Variants in IKZF2 observed in about 807,000 individuals in gnomAD.
IKZF2 encodes the protein zinc finger protein Helios.
In IKZF2, 15 loss-of-function variants were observed where a neutral mutation model predicts 49.2. That is an observed-to-expected ratio of 0.30 (90% CI 0.20 to 0.47). IKZF2 has a LOEUF of 0.47. IKZF2 is among the 20% of genes least tolerant of loss of function. The pLI, the probability that IKZF2 is intolerant of heterozygous loss-of-function variation, is 1.00. For missense variants in IKZF2, 567 were observed against 664.6 expected (o/e 0.85, Z 1.61); for synonymous variants, 227 against 221.4 (o/e 1.03, Z -0.23).
In IKZF2 at chr2:213,003,589, C is replaced by T. The variant is rs1574446412; in HGVS notation, c.*3771G>A. On this transcript the variant is annotated 3_prime_UTR_variant, in exon 9 of 9. Coordinates refer to ENST00000434687, the MANE Select transcript of IKZF2 (RefSeq NM_001387220.1). ...TTTTTTGCTTGTATTTTTACAGCCC[C>T]GTCTGCTCTTTTTGTACCCTAAGAA... The T allele has an allele frequency of 6.6e-6, 1 of 151,574 alleles. No homozygotes were observed. The highest frequency in any genetic ancestry group is 1.9e-4 in the East Asian group (1 of 5,166). The allele number at this position is 151,574 out of a possible 1,614,324, so 9.4% of individuals were successfully genotyped here.
At position 213,002,812 on chromosome 2, in the gene IKZF2, A is replaced by T. The variant is rs1695020130; in HGVS notation, c.*4548T>A. Reference sequence around the variant, plus strand: ...TACTAGTCTGGAGATGAAAATCCAAATGAATACTGTATTTTATTGACCAAA... The same window carrying T: ...TACTAGTCTGGAGATGAAAATCCAATTGAATACTGTATTTTATTGACCAAA... On this transcript the variant is annotated 3_prime_UTR_variant, in exon 9 of 9. Transcript: ENST00000434687. 2 of 151,996 alleles carry T rather than the reference A, an allele frequency of 1.3e-5. No homozygotes were observed. The highest frequency in any genetic ancestry group is 4.8e-5 in the African/African-American group (2 of 41,412). 9.4% of individuals were successfully genotyped at this position (151,996 alleles called of 1,614,324 possible). A position where few individuals can be genotyped will look rare whatever the true frequency, so the allele number is the denominator to read the frequency against.
At chr2:213,079,270 T>C (rs561244676) in intron 4 of IKZF2, among the ~76,000 whole-genome samples, 1 of 152,054 alleles carries the variant, frequency 6.6e-6, no homozygotes, top group African/African-American at 2.4e-5. Context: ...TCCCAACTAC[T>C]TGGGGGACTG....
At chr2:213,046,034 G>C (rs912054616) in intron 6 of IKZF2, among the ~76,000 whole-genome samples, 1 of 152,126 alleles carries the variant, frequency 6.6e-6, no homozygotes, top group African/African-American at 2.4e-5. Context: ...GTCAATGGAA[G>C]CCTCAGTGTG....
Position 213,078,801 on chromosome 2 carries a change from G to C in IKZF2, c.140-21702C>G, listed in dbSNP as rs1427398865. ...CCACCATATAGAAAGAAATTCTGCT[G>C]TCATTTCCTGCCAAACCAAAGTGAT... is the stretch of plus-strand genomic sequence containing the variant. On this transcript the variant is annotated intron_variant, in intron 4 of 8. Transcript: ENST00000434687. 2.0e-5 allele frequency among the ~76,000 whole-genome samples: 3 copies of C among 152,280 alleles called. No individual in the cohort carries two copies. The East Asian group carries it at 5.8e-4, about 29-fold the overall frequency.
At chr2:213,116,207 G>A (rs189102772) in intron 4 of IKZF2, among the ~76,000 whole-genome samples, 1 of 152,302 alleles carries the variant, frequency 6.6e-6, no homozygotes, top group Admixed American at 6.5e-5. Flanking sequence ...TTACTCTGTA[G>A]CTGTTAATAA....
intron 4 of IKZF2, among the ~76,000 whole-genome samples, chr2:213,063,644 G>A (rs1443794848): frequency 6.6e-6 from 1 of 151,970 alleles, no homozygotes; most frequent in African/African-American, 2.4e-5. Flanking sequence ...TACTCAGAAT[G>A]ACTGCATTGT....
intron 6 of IKZF2, among the ~76,000 whole-genome samples, chr2:213,023,449 T>A (rs1697453237): frequency 6.6e-6 from 1 of 152,220 alleles, no homozygotes; most frequent in Non-Finnish European, 1.5e-5. Flanking sequence ...GATTATTCAT[T>A]TTTTTAAAAA....
intron 4 of IKZF2, among the ~76,000 whole-genome samples, chr2:213,076,308 T>C (rs528298126): frequency 5.3e-5 from 8 of 152,134 alleles, no homozygotes; most frequent in African/African-American, 1.7e-4. Flanking sequence ...AAAACTACTA[T>C]ATAATCTCAT....
intron 4 of IKZF2, among the ~76,000 whole-genome samples, chr2:213,092,048 C>T (rs1705403110): frequency 6.6e-6 from 1 of 151,838 alleles, no homozygotes; most frequent in South Asian, 2.1e-4. Context: ...ATTTTTGAGA[C>T]AGGGTCTCAC....
chr2:213,093,623 G>C (rs1158393119), intron 4 of IKZF2, among the ~76,000 whole-genome samples: 7 of 151,996 alleles, frequency 4.6e-5, no homozygotes, highest in African/African-American at 1.7e-4. Flanking sequence ...TCAACTGTAA[G>C]CTCTATAAGG....
At chr2:213,138,830 G>A (rs1036574894) in intron 4 of IKZF2, among the ~76,000 whole-genome samples, 1 of 151,968 alleles carries the variant, frequency 6.6e-6, no homozygotes, top group Non-Finnish European at 1.5e-5. Context: ...AATTTCATGA[G>A]ACTGGTTTGG....
intron 8 of IKZF2, 59 bp from the exon 9 acceptor site, chr2:213,008,143 T>A: frequency 6.8e-7 from 1 of 1,478,440 alleles, no homozygotes; most frequent in Non-Finnish European, 9.0e-7. Flanking sequence ...ACAACATTAG[T>A]ATCAGATTAA....
At chr2:213,135,733 AG>A (rs2060632767) in intron 4 of IKZF2, among the ~76,000 whole-genome samples, 1 of 152,028 alleles carries the variant, frequency 6.6e-6, no homozygotes, top group Admixed American at 6.6e-5. Context: ...AAGAAAAGAA[AG>A]AGAGAAAGAA....
At chr2:213,083,148 G>A (rs1326022249) in intron 4 of IKZF2, among the ~76,000 whole-genome samples, 1 of 152,146 alleles carries the variant, frequency 6.6e-6, no homozygotes, top group Non-Finnish European at 1.5e-5. Context: ...ACTACTTTAA[G>A]TAATGAAAAC....
intron 6 of IKZF2, among the ~76,000 whole-genome samples, chr2:213,047,101 G>T (rs1700221067): frequency 1.3e-5 from 2 of 152,092 alleles, no homozygotes; most frequent in African/African-American, 4.8e-5. Context: ...TATCCTAATA[G>T]GATATGCCTT....
At chr2:213,114,568 A>G (rs1396908169) in intron 4 of IKZF2, among the ~76,000 whole-genome samples, 2 of 152,170 alleles carry the variant, frequency 1.3e-5, no homozygotes, top group African/African-American at 2.4e-5. Flanking sequence ...AGTCTTCCAA[A>G]AAGTGTGAAA....
At chr2:213,150,490 C>G in intron 1 of IKZF2, 1 of 268,072 alleles carries the variant, frequency 3.7e-6, no homozygotes, top group Non-Finnish European at 7.4e-6. Context: ...CCTCCTCCTC[C>G]TCCTCCTTCC....
At chr2:213,136,649 G>T (rs536110158) in intron 4 of IKZF2, among the ~76,000 whole-genome samples, 3 of 152,068 alleles carry the variant, frequency 2.0e-5, no homozygotes, top group Admixed American at 6.5e-5. Context: ...TTAGAGGATG[G>T]TTGACTGAAT....
intron 6 of IKZF2, among the ~76,000 whole-genome samples, chr2:213,031,525 T>C (rs1198252831): frequency 6.6e-6 from 1 of 152,236 alleles, no homozygotes; most frequent in African/African-American, 2.4e-5. Flanking sequence ...CAAGAAAATG[T>C]CTTATGTAAG....
Sources: gnomAD v4.1 joint callset for allele counts (sites outside exome capture counted in the v4.1 genomes callset) on GRCh38, gnomAD v4.1.1 for gene constraint, MANE v1.5 for transcripts, NCBI Gene and HGNC (gene_info 2026-07-23, HGNC 2026-07-21) for gene names.